The following SPAG5 variants were observed in gnomAD, a reference collection of about 807,000 sequenced individuals.
SPAG5 encodes sperm associated antigen 5, also known as sperm-associated antigen 5.
A neutral mutation model predicts 145.4 loss-of-function variants in SPAG5; 99 were observed. That is an observed-to-expected ratio of 0.68 (90% confidence interval 0.58 to 0.80). The LOEUF is 0.80. Among genes scored for constraint, SPAG5 ranks in the 30% least tolerant of loss-of-function variants. The probability of loss-of-function intolerance (pLI) is 0.00; values close to 1 mark genes in which losing one functional copy is unlikely to be tolerated. For missense variants in SPAG5, 1,192 were observed against 1,416.0 expected (o/e 0.84, Z 2.54); for synonymous variants, 477 against 525.4 (o/e 0.91, Z 1.26).
At chr17:28,596,681 T>C (rs1384453087) in intron 2 of SPAG5, among the ~76,000 whole-genome samples, 1 of 151,976 alleles carries the variant, frequency 6.6e-6, no homozygotes. Context: ...AATTAATTAA[T>C]TAATTAATAA....
At chr17:28,580,563 A>G (rs973989742) in intron 15 of SPAG5, 2 of 152,432 alleles carry the variant, frequency 1.3e-5, no homozygotes, top group African/African-American at 4.8e-5. Flanking sequence ...AATGCAATGC[A>G]TATATTTCAG....
At chr17:28,596,957 TA>T (rs1382788743) in intron 2 of SPAG5, among the ~76,000 whole-genome samples, 5 of 146,242 alleles carry the variant, frequency 3.4e-5, no homozygotes. Context: ...ATACAAAAAT[TA>T]GCTGGGTGTG....
At chr17:28,591,920 G>A (rs2070624054) in intron 3 of SPAG5, 48 bp from the exon 4 acceptor site, 1 of 1,609,316 alleles carries the variant, frequency 6.2e-7, no homozygotes, top group Admixed American at 1.7e-5. Flanking sequence ...GAGGGGAAGG[G>A]ATGGGAGGGG....
chr17:28,595,788 G>A (rs1481704301), intron 2 of SPAG5, among the ~76,000 whole-genome samples: 9 of 151,894 alleles, frequency 5.9e-5, no homozygotes, highest in African/African-American at 7.3e-5. Context: ...GCTCACGCCC[G>A]TAATCCCAGC....
chr17:28,592,887 T>C lies in SPAG5; in HGVS notation c.357A>G (p.Val119=). 1 of 1,614,248 alleles carries C rather than the reference T, an allele frequency of 6.2e-7. No individual in the cohort carries two copies. Among genetic ancestry groups the C allele is most frequent in the Non-Finnish European group, 8.5e-7 (1 of 1,180,028 alleles). Residue 119 remains valine (V), a synonymous_variant, in exon 3 of 24, where the codon GTA becomes GTG. Transcript: ENST00000321765. ...TAACCATATAATTGCCCAGTGGGTC[T>C]ACTGCTTCCTCAGACGTTTTAGGAG... ...SSTPKTSEEA[V]DPLGNYMVKT... is the part of the protein sequence containing the mutation.
intron 7 of SPAG5, 67 bp from the exon 8 acceptor site, chr17:28,585,720 A>AT: frequency 6.2e-7 from 1 of 1,610,564 alleles, no homozygotes; most frequent in Non-Finnish European, 8.5e-7. Flanking sequence ...AGATGTAACC[A>AT]TGACACCTCA....
intron 4 of SPAG5, among the ~76,000 whole-genome samples, chr17:28,586,865 C>T (rs560941419): frequency 6.6e-6 from 1 of 152,102 alleles, no homozygotes; most frequent in Non-Finnish European, 1.5e-5. Flanking sequence ...CATGTACCAC[C>T]AGCACCTCAT....
intron 4 of SPAG5, among the ~76,000 whole-genome samples, chr17:28,587,310 G>A (rs1433562060): frequency 6.6e-6 from 1 of 151,794 alleles, no homozygotes; most frequent in Admixed American, 6.6e-5. Context: ...ACTTTGGGAG[G>A]TCAAGGCGGG....
Position 28,585,666 on chromosome 17 carries a change from G to A in SPAG5, c.1741-13C>T, listed in dbSNP as rs749503512. The A allele has an allele frequency of 6.2e-7, 1 of 1,613,214 alleles. No individual in the cohort carries two copies. ...ACACTATCTCTGCCTATTGAGGGAA[G>A]TGGTTGCAAGGCCACAGTGGGCAAC... On this transcript the variant is annotated splice_polypyrimidine_tract_variant and intron_variant, in intron 7 of 23. Coordinates refer to ENST00000321765, the MANE Select transcript of SPAG5 (RefSeq NM_006461.4).
At chr17:28,577,803 CCA>C (rs1706541473) in intron 23 of SPAG5, 33 bp from the exon 24 acceptor site, 1 of 1,577,644 alleles carries the variant, frequency 6.3e-7, no homozygotes, top group Non-Finnish European at 8.7e-7. Flanking sequence ...CAGCTCAGGA[CCA>C]CAGACTTAAG....
At position 28,577,785 on chromosome 17, in the gene SPAG5, A is replaced by C; in HGVS notation, c.3511-15T>G. 6.2e-7 allele frequency: 1 copy of C among 1,608,212 alleles called. No individual in the cohort carries two copies. On this transcript the variant is annotated splice_polypyrimidine_tract_variant and intron_variant, in intron 23 of 23. Transcript: ENST00000321765. Reference sequence around the variant, plus strand: ...GAGAGCAGGGTCTGGGAAGAGAGGCAGAAAACGCAGCTCAGGACCACAGAC... The same window carrying C: ...GAGAGCAGGGTCTGGGAAGAGAGGCCGAAAACGCAGCTCAGGACCACAGAC...
In SPAG5 at chr17:28,579,131, C is replaced by T. The variant is rs1308847295; in HGVS notation, c.3117+10G>A. On this transcript the variant is annotated intron_variant, in intron 19 of 23. Coordinates refer to ENST00000321765, the MANE Select transcript of SPAG5 (RefSeq NM_006461.4). ...TTCTTCATCGCCCCACTTCTAGGTC[C>T]CTCCTTCACCTTGTAGCGCAAGCAC... 1.2e-6 allele frequency: 2 copies of T among 1,608,044 alleles called. No homozygotes were observed. The highest frequency in any genetic ancestry group is 1.7e-6 in the Non-Finnish European group (2 of 1,176,124).
At chr17:28,595,937 C>T (rs936435771) in intron 2 of SPAG5, among the ~76,000 whole-genome samples, 5 of 152,236 alleles carry the variant, frequency 3.3e-5, no homozygotes, top group Non-Finnish European at 7.4e-5. Flanking sequence ...ATCCCAGCTA[C>T]TCAGGAGGCT....
chr17:28,578,865 A>G, intron 19 of SPAG5, 113 bp from the exon 20 acceptor site: 1 of 869,744 alleles, frequency 1.1e-6, no homozygotes, highest in Non-Finnish European at 1.9e-6. Flanking sequence ...GGACCAATTG[A>G]TATCACGCCA....
At chr17:28,596,235 T>C (rs1265454163) in intron 2 of SPAG5, among the ~76,000 whole-genome samples, 1 of 152,098 alleles carries the variant, frequency 6.6e-6, no homozygotes, top group South Asian at 2.1e-4. Flanking sequence ...CAAAAATAAT[T>C]GCTATTTTAT....
In SPAG5 at chr17:28,592,803, G is replaced by C; in HGVS notation, c.441C>G (p.Ala147=). 6.2e-7 allele frequency: 1 copy of C among 1,614,062 alleles called. No homozygotes were observed. The highest frequency in any genetic ancestry group is 8.5e-7 in the Non-Finnish European group (1 of 1,180,024). The stretch of plus-strand genomic sequence containing the variant: ...TTGTCTCTGCCATGGTATCTAAACG[G>C]GCCTCAAATATCATGTCTTGTTGCT... ...LGQQQDMIFE[A]RLDTMAETNS... The change falls in exon 3 of 24, where the codon GCC becomes GCG. Residue 147 remains alanine, a synonymous_variant. Coordinates refer to ENST00000321765, the MANE Select transcript of SPAG5 (RefSeq NM_006461.4).
chr17:28,586,586 C>T (rs780390865), intron 4 of SPAG5, 87 bp from the exon 5 acceptor site: 90 of 1,082,706 alleles, frequency 8.3e-5, no homozygotes, highest in Non-Finnish European at 1.2e-4. Context: ...GACTGGAGTG[C>T]AGTGGCACAA....
intron 11 of SPAG5, 50 bp downstream of exon 11, chr17:28,584,602 C>T (rs1468869831): frequency 6.2e-7 from 1 of 1,600,160 alleles, no homozygotes; most frequent in Non-Finnish European, 8.6e-7. Flanking sequence ...CAAGCCTTAA[C>T]AGGGCTCAAA....
At chr17:28,577,823 G>A in intron 23 of SPAG5, 53 bp from the exon 24 acceptor site, 2 of 1,479,046 alleles carry the variant, frequency 1.4e-6, no homozygotes, top group South Asian at 2.3e-5. Context: ...AAGGCCCAGG[G>A]CTCCCAGCCC....
Sources: allele counts gnomAD v4.1 joint callset (sites outside exome capture counted in the v4.1 genomes callset), GRCh38; gene constraint gnomAD v4.1.1; transcripts MANE v1.5; gene names NCBI Gene and HGNC (gene_info 2026-07-23, HGNC 2026-07-21).